ELF4: variants seen among roughly 807,000 people sequenced by gnomAD.
ELF4 encodes E74 like ETS transcription factor 4.
Under a neutral mutation model 31.7 loss-of-function variants are expected in ELF4, and 10 were observed. The observed-to-expected ratio is 0.32, with a 90% CI of 0.19 to 0.54. ELF4 has a LOEUF of 0.54. ELF4 is among the 20% of genes least tolerant of loss of function. The pLI, the probability that ELF4 is intolerant of heterozygous loss-of-function variation, is 0.95. For synonymous variants in ELF4, 208 were observed against 226.7 expected (o/e 0.92, Z 0.74); for missense variants, 418 against 522.0 (o/e 0.80, Z 1.94).
chrX:130,088,998 C>G (rs1221950161), intron 1 of ELF4, among the ~76,000 whole-genome samples: 1 of 111,188 alleles, frequency 9.0e-6, no homozygotes, highest in African/African-American at 3.3e-5. Context: ...ACTGGCCAAT[C>G]CCCAGGCCAG....
chrX:130,066,966 C>G lies in ELF4; in HGVS notation c.1747G>C (p.Val583Leu), dbSNP rs1261166187. The G allele has an allele frequency of 2.5e-6, 3 of 1,212,173 alleles. No individual in the cohort carries two copies. The highest frequency in any genetic ancestry group is 4.3e-5 in the Admixed American group (2 of 46,105). Residue 583 changes from valine (V) to leucine (L), a missense_variant, in exon 9 of 9, where the codon GTG becomes CTG. Val to Leu is a conservative substitution (Grantham distance 32). Transcript: ENST00000308167. ...QAHLQPLPTQ[V>L]VSRGSHNPSL... ...GGATTGTGGGAACCCCTGGAAACCA[C>G]CTGGGTTGGAAGTGGCTGAAGATGA...
chrX:130,097,630 G>A (rs1933174035), intron 1 of ELF4, among the ~76,000 whole-genome samples: 1 of 111,954 alleles, frequency 8.9e-6, no homozygotes, highest in South Asian at 3.7e-4. Context: ...AATTCTCTAT[G>A]ACAATCCTTC....
chrX:130,103,182 T>C (rs141681783), intron 1 of ELF4, among the ~76,000 whole-genome samples: 39 of 112,147 alleles, frequency 3.5e-4, no homozygotes, highest in Admixed American at 9.4e-4. Context: ...AGTTGAAAAG[T>C]TGCACTTTCA....
At chrX:130,067,640 G>A in intron 8 of ELF4, 115 bp from the exon 9 acceptor site, 1 of 842,545 alleles carries the variant, frequency 1.2e-6, no homozygotes, top group Non-Finnish European at 1.7e-6. Flanking sequence ...TTTGCTGTTT[G>A]TTGTTTTTTT....
At position 130,074,073 on chromosome X, in the gene ELF4, C is replaced by T; in HGVS notation, c.316G>A (p.Asp106Asn). ...CAGATCTGCTTCTCATCCAGGATAT[C>T]GCTGGGAGACTCCATATTGAGTAAG... Reference protein sequence around the residue: ...EVLLNMESPSDILDEKQIFST... With the variant: ...EVLLNMESPSNILDEKQIFST... The change falls in exon 4 of 9, where the codon GAT becomes AAT. Residue 106 changes from aspartate (D) to asparagine (N), a missense_variant. Around this residue, in one of 4 missense-constraint regions of ELF4, gnomAD observed 88 missense variants for 92.4 expected, o/e 0.95. Coordinates refer to ENST00000308167, the MANE Select transcript of ELF4 (RefSeq NM_001421.4). 8.3e-7 allele frequency: 1 copy of T among 1,211,401 alleles called. No individual in the cohort carries two copies.
intron 1 of ELF4, among the ~76,000 whole-genome samples, chrX:130,087,446 G>A (rs1218085987): frequency 8.9e-6 from 1 of 112,672 alleles, no homozygotes; most frequent in African/African-American, 3.2e-5. Context: ...ATGAGCTAAT[G>A]TAGGCAAAAG....
At chrX:130,096,617 T>C (rs1396471669) in intron 1 of ELF4, among the ~76,000 whole-genome samples, 2 of 112,093 alleles carry the variant, frequency 1.8e-5, no homozygotes, top group Admixed American at 9.4e-5. Flanking sequence ...AATAACTATA[T>C]CTAATAAAGC....
chrX:130,071,132 G>A lies in ELF4; in HGVS notation c.717C>T (p.Phe239=). 1 of 1,211,906 alleles carries A rather than the reference G, an allele frequency of 8.3e-7. No homozygotes were observed. Among genetic ancestry groups the A allele is most frequent in the Non-Finnish European group, 1.1e-6 (1 of 895,594 alleles). Residue 239 remains phenylalanine (F), a synonymous_variant, in exon 7 of 9, where the codon TTC becomes TTT. Transcript: ENST00000308167. ...ACACAGCTTTGGAGTCCACCAGTTT[G>A]AAGATGCCTTTCTCTCGCTGGGTCC... ...IKWTQREKGI[F]KLVDSKAVSK...
Position 130,074,122 on chromosome X carries a change from C to T in ELF4, c.267G>A (p.Ser89=), listed in dbSNP as rs752335113. 1.7e-5 allele frequency: 21 copies of T among 1,209,595 alleles called. No homozygotes were observed. Among genetic ancestry groups the T allele is most frequent in the African/African-American group, 1.2e-4 (7 of 57,003 alleles). Residue 89 remains serine, a synonymous_variant, in exon 4 of 9, where the codon TCG becomes TCA. Transcript: ENST00000308167. ...AGACTTCCGCGGTTGACATGGTGTG[C>T]GAGGTGGCCTCATTGTCATCTGGTC... ...FLLTDDNEAT[S]HTMSTAEVLL...
chrX:130,105,005 CA>C (rs1196530569), intron 1 of ELF4, among the ~76,000 whole-genome samples: 3 of 65,598 alleles, frequency 4.6e-5, no homozygotes, highest in Admixed American at 1.5e-4. Flanking sequence ...CTAAAAAATA[CA>C]AAAAAAAAAG....
intron 1 of ELF4, among the ~76,000 whole-genome samples, chrX:130,103,796 G>A (rs1484906286): frequency 1.8e-5 from 2 of 112,258 alleles, no homozygotes; most frequent in Middle Eastern, 4.7e-3. Flanking sequence ...GGGTGGTCCA[G>A]TTTATCCTAG....
chrX:130,108,389 G>T (rs750894559), intron 1 of ELF4, among the ~76,000 whole-genome samples: 1 of 111,523 alleles, frequency 9.0e-6, no homozygotes, highest in East Asian at 2.8e-4. Context: ...CGGGGGTAGG[G>T]GATGTGGAAA....
intron 1 of ELF4, among the ~76,000 whole-genome samples, chrX:130,100,488 T>C: frequency 9.0e-6 from 1 of 111,639 alleles, no homozygotes; most frequent in Non-Finnish European, 1.9e-5. Flanking sequence ...GGTCTCCTCA[T>C]GGTCCCCTGA....
Position 130,069,582 on chromosome X carries a change from T to A in ELF4, c.905A>T (p.Asp302Val). The change falls in exon 8 of 9, where the codon GAT (aspartate) becomes GTT (valine). Residue 302 changes from aspartate to valine, a missense_variant. Physicochemically the swap from Asp to Val is radical, Grantham distance 152. Coordinates refer to ENST00000308167, the MANE Select transcript of ELF4 (RefSeq NM_001421.4). ...EMPKDLVVIE[D>V]EDESSEATAA... ...TGTGGCTTCGCTGCTCTCATCCTCA[T>A]CTTCAATGACCACCAGGTCCTTGGG... is the stretch of plus-strand genomic sequence containing the variant. The A allele has an allele frequency of 2.5e-6, 3 of 1,210,939 alleles. No homozygotes were observed. The highest frequency in any genetic ancestry group is 3.4e-6 in the Non-Finnish European group (3 of 894,571).
At chrX:130,073,010 C>T (rs1244352635) in intron 4 of ELF4, among the ~76,000 whole-genome samples, 2 of 112,196 alleles carry the variant, frequency 1.8e-5, no homozygotes. Context: ...CCTGAGGGGT[C>T]ATTGGGAAGA....
rs138518459 is a variant in ELF4 at position 130,099,059 on chromosome X, T to C, written c.-210+11266A>G. On this transcript the variant is annotated intron_variant, in intron 1 of 8. Coordinates refer to ENST00000308167, the MANE Select transcript of ELF4 (RefSeq NM_001421.4). ...TAACTGTCCTTCTAGGTCTCTAGAA[T>C]ACAATTTTCAGTAGTTTGGGAGCAC... 8.0e-5 allele frequency among the ~76,000 whole-genome samples: 9 copies of C among 112,751 alleles called. No individual in the cohort carries two copies. In the East Asian group the frequency reaches 2.5e-3, roughly 31 times the overall value.
chrX:130,095,075 GCTCT>G (rs1434935310), intron 1 of ELF4, among the ~76,000 whole-genome samples: 2 of 111,242 alleles, frequency 1.8e-5, no homozygotes, highest in African/African-American at 6.5e-5. Flanking sequence ...TTTCTTTTGC[GCTCT>G]CTGATACCAC....
At chrX:130,108,038 G>A (rs374622344) in intron 1 of ELF4, among the ~76,000 whole-genome samples, 7 of 111,785 alleles carry the variant, frequency 6.3e-5, no homozygotes, top group Admixed American at 3.8e-4. Context: ...GAGAAACCCC[G>A]TCTCTACCAA....
Position 130,074,739 on chromosome X carries a change from G to A in ELF4, c.89C>T (p.Ser30Phe), listed in dbSNP as rs1932818176. 8.3e-7 allele frequency: 1 copy of A among 1,211,642 alleles called. No individual in the cohort carries two copies. Among genetic ancestry groups the A allele is most frequent in the Non-Finnish European group, 1.1e-6 (1 of 895,484 alleles). Residue 30 changes from serine (S) to phenylalanine (F), a missense_variant, in exon 3 of 9, where the codon TCT (serine) becomes TTT (phenylalanine). Physicochemically the swap from Ser to Phe is radical, Grantham distance 155 (BLOSUM62 -2). Coordinates refer to ENST00000308167, the MANE Select transcript of ELF4 (RefSeq NM_001421.4). ...DDDIHQLEDP[S>F]VFPAVIVEQV... The stretch of plus-strand genomic sequence containing the variant: ...CTCCACGATCACAGCTGGGAACACA[G>A]AGGGGTCTTCCAGCTATGGAGAAGA...
Sources: allele counts gnomAD v4.1 joint callset (sites outside exome capture counted in the v4.1 genomes callset), GRCh38; gene constraint gnomAD v4.1.1; regional missense constraint gnomAD v4.1.1; transcripts MANE v1.5; gene names NCBI Gene and HGNC (gene_info 2026-07-23, HGNC 2026-07-21).